The following SGCZ variants were observed in gnomAD, a reference collection of about 807,000 sequenced individuals.
SGCZ encodes zeta-sarcoglycan.
SGCZ carries 40 observed loss-of-function variants against 41.3 expected under a neutral mutation model. That is an observed-to-expected ratio of 0.97 (90% confidence interval 0.75 to 1.26). The LOEUF (loss-of-function observed/expected upper bound fraction) is 1.26. Among genes scored for constraint, SGCZ ranks in the 50% most tolerant of loss-of-function variants. The pLI, the probability that SGCZ is intolerant of heterozygous loss-of-function variation, is 0.00. For missense variants in SGCZ, 552 were observed against 369.8 expected, an observed-to-expected ratio of 1.49 and a Z score of -4.04; for synonymous variants, 206 against 137.5, an observed-to-expected ratio of 1.50 and a Z score of -3.49.
At chr8:14,252,930 A>G (rs567097903) in intron 3 of SGCZ, among the ~76,000 whole-genome samples, 15 of 152,224 alleles carry the variant, frequency 9.9e-5, no homozygotes, top group Non-Finnish European at 2.1e-4. Flanking sequence ...AAGAAAATAC[A>G]TCTTTTTGTA....
intron 1 of SGCZ, among the ~76,000 whole-genome samples, chr8:14,993,430 TG>T (rs1188888335): frequency 2.0e-4 from 31 of 152,124 alleles, no homozygotes; most frequent in African/African-American, 7.2e-4. Context: ...AAAGAAATCA[TG>T]GGGCTGATAT....
At chr8:15,177,250 T>A (rs940930896) in intron 1 of SGCZ, among the ~76,000 whole-genome samples, 8 of 152,164 alleles carry the variant, frequency 5.3e-5, no homozygotes, top group African/African-American at 1.4e-4. Flanking sequence ...AAAGGGCATT[T>A]AGATGTTCCT....
chr8:14,607,839 A>G (rs1323716469), intron 1 of SGCZ, among the ~76,000 whole-genome samples: 1 of 152,158 alleles, frequency 6.6e-6, no homozygotes, highest in Non-Finnish European at 1.5e-5. Flanking sequence ...GTGTAATCTC[A>G]TTAATATATT....
chr8:14,519,529 A>G (rs1459014928), intron 2 of SGCZ, among the ~76,000 whole-genome samples: 1 of 152,142 alleles, frequency 6.6e-6, no homozygotes, highest in East Asian at 1.9e-4. Context: ...AAAACACTTT[A>G]TATATTTAAA....
chr8:14,528,985 C>A (rs944566071), intron 2 of SGCZ, among the ~76,000 whole-genome samples: 3 of 151,974 alleles, frequency 2.0e-5, no homozygotes, highest in East Asian at 3.9e-4. Context: ...AAAATGACAA[C>A]CAACTAAACC....
At chr8:14,668,633 T>A (rs1807991987) in intron 1 of SGCZ, among the ~76,000 whole-genome samples, 1 of 152,158 alleles carries the variant, frequency 6.6e-6, no homozygotes, top group African/African-American at 2.4e-5. Flanking sequence ...CCAAAAGCAA[T>A]AAATTTTGAT....
chr8:14,142,470 T>G (rs1803401233), intron 5 of SGCZ, among the ~76,000 whole-genome samples: 1 of 152,206 alleles, frequency 6.6e-6, no homozygotes, highest in Non-Finnish European at 1.5e-5. Context: ...ATTTGATTAC[T>G]AAGATCCCAT....
chr8:14,202,946 C>A (rs1178826389), intron 4 of SGCZ, among the ~76,000 whole-genome samples: 1 of 152,058 alleles, frequency 6.6e-6, no homozygotes. Flanking sequence ...ATTATGGGGG[C>A]GGGTCTTTCC....
intron 2 of SGCZ, among the ~76,000 whole-genome samples, chr8:14,390,271 C>T (rs1398278464): frequency 6.6e-6 from 1 of 151,734 alleles, no homozygotes; most frequent in Non-Finnish European, 1.5e-5. Flanking sequence ...AACATGTTCT[C>T]ATTAAAATTT....
At chr8:15,177,638 C>G (rs1311658681) in intron 1 of SGCZ, among the ~76,000 whole-genome samples, 1 of 152,074 alleles carries the variant, frequency 6.6e-6, no homozygotes, top group East Asian at 1.9e-4. Flanking sequence ...GGTCAATATT[C>G]AAAGCAAGAT....
intron 2 of SGCZ, among the ~76,000 whole-genome samples, chr8:14,347,698 T>G (rs1802939854): frequency 6.6e-6 from 1 of 151,974 alleles, no homozygotes; most frequent in Non-Finnish European, 1.5e-5. Context: ...TTAGAGATTA[T>G]TTATTTATTT....
At chr8:14,960,260 C>A (rs1800921042) in intron 1 of SGCZ, among the ~76,000 whole-genome samples, 1 of 151,986 alleles carries the variant, frequency 6.6e-6, no homozygotes, top group Admixed American at 6.6e-5. Flanking sequence ...ACGCTTGGAT[C>A]AGCTGCAAAT....
At chr8:14,720,399 C>T (rs1809844169) in intron 1 of SGCZ, among the ~76,000 whole-genome samples, 2 of 152,084 alleles carry the variant, frequency 1.3e-5, no homozygotes, top group Non-Finnish European at 2.9e-5. Context: ...AGAATAACTA[C>T]TGTAAACAAA....
At chr8:14,878,386 G>GA (rs919584005) in intron 1 of SGCZ, among the ~76,000 whole-genome samples, 1 of 149,836 alleles carries the variant, frequency 6.7e-6, no homozygotes, top group Non-Finnish European at 1.5e-5. Flanking sequence ...ACAACTGTGA[G>GA]AAAAAAAAAG....
intron 1 of SGCZ, among the ~76,000 whole-genome samples, chr8:14,988,913 G>A (rs1439657545): frequency 6.6e-6 from 1 of 152,108 alleles, no homozygotes; most frequent in Non-Finnish European, 1.5e-5. Flanking sequence ...TGTGGGGAGG[G>A]GGGGCATTGA....
At chr8:14,141,670 A>G (rs924468985) in intron 5 of SGCZ, among the ~76,000 whole-genome samples, 11 of 152,166 alleles carry the variant, frequency 7.2e-5, no homozygotes, top group Non-Finnish European at 5.9e-5. Context: ...GAAACAACAG[A>G]TGCTGGAGAG....
chr8:14,341,211 T>A (rs188466832), intron 2 of SGCZ, among the ~76,000 whole-genome samples: 40 of 152,346 alleles, frequency 2.6e-4, no homozygotes, highest in Non-Finnish European at 5.1e-4. Context: ...TTCATTTGAA[T>A]ATTGTGAATA....
chr8:14,742,175 T>C (rs546656604), intron 1 of SGCZ, among the ~76,000 whole-genome samples: 2 of 152,084 alleles, frequency 1.3e-5, no homozygotes, highest in South Asian at 4.1e-4. Context: ...CAATCCAAAC[T>C]TGCAATTCAA....
At chr8:14,090,669 A>C (rs774861470) in intron 7 of SGCZ, 32 bp from the exon 8 acceptor site, 2 of 1,589,458 alleles carry the variant, frequency 1.3e-6, no homozygotes, top group East Asian at 4.5e-5. Flanking sequence ...ATTTTAATTC[A>C]TTTTAGAAAT....
Sources: gnomAD v4.1 joint callset for allele counts (sites outside exome capture counted in the v4.1 genomes callset) on GRCh38, gnomAD v4.1.1 for gene constraint, MANE v1.5 for transcripts, NCBI Gene and HGNC (gene_info 2026-07-23, HGNC 2026-07-21) for gene names.